RBFOX1: variants seen among roughly 807,000 people sequenced by gnomAD.
RBFOX1 encodes the protein RNA binding fox-1 homolog 1.
RBFOX1 carries 8 observed loss-of-function variants against 57.7 expected under a neutral mutation model. The ratio of observed to expected loss-of-function variants is 0.14; its 90% CI spans 0.08 to 0.25. RBFOX1 has a LOEUF of 0.25. Among genes scored for constraint, RBFOX1 ranks in the 10% least tolerant of loss-of-function variants. The probability of loss-of-function intolerance (pLI) is 1.00; values close to 1 mark genes in which losing one functional copy is unlikely to be tolerated. For synonymous variants in RBFOX1, 326 were observed against 222.4 expected (o/e 1.47, Z -4.15); for missense variants, 611 against 548.5 (o/e 1.11, Z -1.14).
chr16:6,439,733 G>A lies in RBFOX1; in HGVS notation c.-64+122676G>A, dbSNP rs557691455. Among the ~76,000 whole-genome samples the A allele has an allele frequency of 2.4e-4, 36 of 152,190 alleles. 1 individual carries two copies. The highest frequency in any genetic ancestry group is 3.4e-3 in the Middle Eastern group (1 of 294). On this transcript the variant is annotated intron_variant, in intron 2 of 15. Coordinates refer to ENST00000550418, the MANE Select transcript of RBFOX1 (RefSeq NM_018723.4). The stretch of plus-strand genomic sequence containing the variant: ...CTAGAGGGGTAGACATATTATTTGG[G>A]ATACTTCTCCAGTCTCATCTTTCCC...
chr16:7,262,116 C>G (rs2094940995), intron 4 of RBFOX1, among the ~76,000 whole-genome samples: 1 of 151,918 alleles, frequency 6.6e-6, no homozygotes, highest in Non-Finnish European at 1.5e-5. Context: ...GGAAATATGA[C>G]ACAGAGAAAC....
rs1555480496 is a variant in RBFOX1, at chr16:6,450,777, A to ATACGTATACATATATATG, written c.-64+133722_-64+133723insCGTATACATATATATGTA. On this transcript the variant is annotated intron_variant, in intron 2 of 15. Coordinates refer to ENST00000550418, the MANE Select transcript of RBFOX1 (RefSeq NM_018723.4). ...TACATATATATATGTGTATATATAT[A>ATACGTATACATATATATG]TATATATATATACATATATATATGT... is the stretch of plus-strand genomic sequence containing the variant. Among the ~76,000 whole-genome samples the ATACGTATACATATATATG allele has an allele frequency of 9.1e-4, 36 of 39,532 alleles. 2 individuals carry two copies. Among genetic ancestry groups the ATACGTATACATATATATG allele is most frequent in the South Asian group, 1.9e-3 (3 of 1,604 alleles). 25.9% of individuals were successfully genotyped at this position (39,532 alleles called of 152,430 possible). A position where few individuals can be genotyped will look rare whatever the true frequency, so the allele number is the denominator to read the frequency against.
chr16:5,881,679 C>CA (rs1319904235), intron 4 of RBFOX1, among the ~76,000 whole-genome samples: 1 of 151,036 alleles, frequency 6.6e-6, no homozygotes, highest in African/African-American at 2.4e-5. Context: ...GACTCCATCT[C>CA]AAAAAAAAAG....
At chr16:5,321,460 C>T (rs2064404162) in intron 1 of RBFOX1, among the ~76,000 whole-genome samples, 1 of 152,130 alleles carries the variant, frequency 6.6e-6, no homozygotes. Flanking sequence ...GCTGGGACTA[C>T]AGGCGCCCAC....
chr16:6,997,913 A>G (rs1361372472), intron 3 of RBFOX1, among the ~76,000 whole-genome samples: 3 of 152,138 alleles, frequency 2.0e-5, no homozygotes, highest in Non-Finnish European at 1.5e-5. Context: ...AGCTCTTAGA[A>G]AAAGGTTAAA....
chr16:5,355,950 G>C (rs2065377576), intron 1 of RBFOX1, among the ~76,000 whole-genome samples: 1 of 152,146 alleles, frequency 6.6e-6, no homozygotes, highest in Admixed American at 6.5e-5. Context: ...AATTAGCTGG[G>C]CATGGTGGCC....
intron 3 of RBFOX1, among the ~76,000 whole-genome samples, chr16:7,002,608 A>G (rs2092924460): frequency 6.6e-6 from 1 of 152,168 alleles, no homozygotes; most frequent in Non-Finnish European, 1.5e-5. Flanking sequence ...GCCACTCGGG[A>G]GGCTGAGGCA....
intron 4 of RBFOX1, among the ~76,000 whole-genome samples, chr16:7,154,881 G>A (rs943835965): frequency 6.6e-6 from 1 of 152,136 alleles, no homozygotes; most frequent in South Asian, 2.1e-4. Flanking sequence ...CACTTCATAG[G>A]TAAGGAAACT....
chr16:5,626,248 A>T (rs1351729779), intron 3 of RBFOX1, among the ~76,000 whole-genome samples: 3 of 152,308 alleles, frequency 2.0e-5, no homozygotes, highest in African/African-American at 4.8e-5. Context: ...GGAGGCAAGC[A>T]GTCAGAGATC....
chr16:6,003,630 G>C (rs752694099), intron 4 of RBFOX1, among the ~76,000 whole-genome samples: 2 of 152,226 alleles, frequency 1.3e-5, no homozygotes, highest in Non-Finnish European at 2.9e-5. Context: ...AGTGTGCCAG[G>C]TCTTTTCTTT....
At chr16:6,764,465 C>G (rs1171189753) in intron 3 of RBFOX1, among the ~76,000 whole-genome samples, 1 of 152,200 alleles carries the variant, frequency 6.6e-6, no homozygotes, top group South Asian at 2.1e-4. Context: ...TTTGTCTTCT[C>G]TCCACCTGTC....
intron 2 of RBFOX1, among the ~76,000 whole-genome samples, chr16:6,337,562 G>A (rs1163523513): frequency 6.6e-6 from 1 of 152,168 alleles, no homozygotes; most frequent in East Asian, 1.9e-4. Flanking sequence ...TGTACACCTG[G>A]ATGCCACATT....
chr16:7,209,656 G>A lies in RBFOX1; in HGVS notation c.27+157558G>A, dbSNP rs530187030. On this transcript the variant is annotated intron_variant, in intron 4 of 15. Transcript: ENST00000550418. ...TTTTTCCTTTTTGAGCACTTAAGTC[G>A]CATTTAAAAAAATTTTTAATCCGTA... Among the ~76,000 whole-genome samples the A allele has an allele frequency of 4.5e-4, 68 of 152,132 alleles. No homozygotes were observed. The South Asian group carries it at 8.9e-3, about 20-fold the overall frequency.
At chr16:7,448,998 C>T (rs146567544) in intron 4 of RBFOX1, among the ~76,000 whole-genome samples, 1,950 of 131,294 alleles carry the variant, frequency 0.015, 16 homozygotes, top group Middle Eastern at 0.065. Flanking sequence ...GGCGCGATAT[C>T]GGCTCACCAC....
At chr16:6,428,328 G>A (rs1304918056) in intron 2 of RBFOX1, among the ~76,000 whole-genome samples, 1 of 149,362 alleles carries the variant, frequency 6.7e-6, no homozygotes, top group Non-Finnish European at 1.5e-5. Context: ...TGCCTAGTTA[G>A]CATTCCATAC....
chr16:7,672,218 GA>G (rs1177025717), intron 13 of RBFOX1, among the ~76,000 whole-genome samples: 2 of 152,096 alleles, frequency 1.3e-5, no homozygotes, highest in Admixed American at 6.5e-5. Context: ...TTTGTAGGAA[GA>G]AAAAAAGTCA....
At chr16:7,048,578 C>T (rs1307309954) in intron 3 of RBFOX1, among the ~76,000 whole-genome samples, 1 of 152,114 alleles carries the variant, frequency 6.6e-6, no homozygotes, top group African/African-American at 2.4e-5. Context: ...TCTTTATTAT[C>T]TTTTGTTTCT....
At chr16:6,400,042 T>C (rs557473375) in intron 2 of RBFOX1, among the ~76,000 whole-genome samples, 2 of 152,280 alleles carry the variant, frequency 1.3e-5, no homozygotes, top group South Asian at 2.1e-4. Flanking sequence ...CAATTCAAGA[T>C]GAAATTTGGG....
intron 1 of RBFOX1, among the ~76,000 whole-genome samples, chr16:5,409,600 C>T (rs1322683009): frequency 6.6e-6 from 1 of 152,190 alleles, no homozygotes; most frequent in Non-Finnish European, 1.5e-5. Flanking sequence ...CAGGCATGTT[C>T]TAGGTGCTGG....
Sources: allele counts gnomAD v4.1 joint callset (sites outside exome capture counted in the v4.1 genomes callset), GRCh38; gene constraint gnomAD v4.1.1; transcripts MANE v1.5; gene names NCBI Gene and HGNC (gene_info 2026-07-23, HGNC 2026-07-21).